The following RAB22A variants were observed in gnomAD, a reference collection of about 807,000 sequenced individuals.
RAB22A encodes the protein RAB22A, member RAS oncogene family, also known as ras-related protein Rab-22A.
Under a neutral mutation model 30.2 loss-of-function variants are expected in RAB22A, and 13 were observed. The observed-to-expected ratio is 0.43, with a 90% confidence interval of 0.28 to 0.68. The LOEUF (loss-of-function observed/expected upper bound fraction) is 0.68, where lower values mean the gene tolerates loss of function less well. RAB22A is among the 30% of genes least tolerant of loss of function. The pLI is 0.18. For missense variants in RAB22A, 177 were observed against 246.8 expected (o/e 0.72, Z 1.89); for synonymous variants, 89 against 87.2 (o/e 1.02, Z -0.11).
At chr20:58,311,017 C>G in intron 1 of RAB22A, 26 bp from the exon 2 acceptor site, 1 of 1,555,988 alleles carries the variant, frequency 6.4e-7, no homozygotes, top group Non-Finnish European at 8.9e-7. Flanking sequence ...AACTTTTTCT[C>G]AGTCCCTCAT....
At position 58,354,327 on chromosome 20, in the gene RAB22A, C is replaced by G. The variant is rs1600742290; in HGVS notation, c.487+62C>G. 4 of 1,158,054 alleles carry G rather than the reference C, an allele frequency of 3.5e-6. No individual in the cohort carries two copies. In the East Asian group the frequency reaches 1.0e-4, roughly 29 times the overall value. 71.7% of individuals were successfully genotyped at this position (1,158,054 alleles called of 1,614,324 possible). A position where few individuals can be genotyped will look rare whatever the true frequency, so the allele number is the denominator to read the frequency against. On this transcript the variant is annotated intron_variant, in intron 6 of 6. Transcript: ENST00000244040. Reference sequence around the variant, plus strand: ...AAGCCGCTTAACACAGAATGATCTTCCTGGTTAGAATTCCTGTCTTACTTA... The same window carrying G: ...AAGCCGCTTAACACAGAATGATCTTGCTGGTTAGAATTCCTGTCTTACTTA...
chr20:58,318,297 C>G (rs1243163394), intron 2 of RAB22A, among the ~76,000 whole-genome samples: 1 of 152,204 alleles, frequency 6.6e-6, no homozygotes, highest in African/African-American at 2.4e-5. Context: ...CTACTCTGAG[C>G]CATTCCCTGG....
rs1987283573 is a variant in RAB22A at position 58,364,642 on chromosome 20, T to G, written c.*4939T>G. 1.3e-5 allele frequency: 2 copies of G among 152,140 alleles called. No homozygotes were observed. 9.4% of individuals were successfully genotyped at this position (152,140 alleles called of 1,614,324 possible). On this transcript the variant is annotated 3_prime_UTR_variant, in exon 7 of 7. Coordinates refer to ENST00000244040, the MANE Select transcript of RAB22A (RefSeq NM_020673.3). Reference sequence around the variant, plus strand: ...AGTACTCCACAAAATGCATCATAATTGAAACAACAAAATTATTTTCATGAG... The same window carrying G: ...AGTACTCCACAAAATGCATCATAATGGAAACAACAAAATTATTTTCATGAG...
chr20:58,358,023 G>A (rs541424371), intron 6 of RAB22A, among the ~76,000 whole-genome samples: 33 of 152,346 alleles, frequency 2.2e-4, no homozygotes, highest in Middle Eastern at 3.4e-3. Flanking sequence ...AGGGTCTAAT[G>A]TGAGGGAGAT....
intron 2 of RAB22A, among the ~76,000 whole-genome samples, chr20:58,333,657 T>C (rs1986697962): frequency 6.6e-6 from 1 of 152,132 alleles, no homozygotes; most frequent in Admixed American, 6.5e-5. Context: ...TAGTATAATA[T>C]TTGGAAGTAG....
chr20:58,321,137 C>T (rs1986450269), intron 2 of RAB22A, among the ~76,000 whole-genome samples: 3 of 151,734 alleles, frequency 2.0e-5, no homozygotes, highest in Non-Finnish European at 2.9e-5. Flanking sequence ...TTGCAGTGAG[C>T]CCGAGACTGC....
intron 2 of RAB22A, among the ~76,000 whole-genome samples, chr20:58,323,372 A>G (rs1362477390): frequency 6.6e-6 from 1 of 152,120 alleles, no homozygotes; most frequent in African/African-American, 2.4e-5. Context: ...TTATCTCTAT[A>G]CATTATTTTT....
intron 1 of RAB22A, among the ~76,000 whole-genome samples, 172 bp downstream of exon 1, chr20:58,310,184 C>T (rs1414963351): frequency 6.6e-6 from 1 of 151,938 alleles, no homozygotes; most frequent in Non-Finnish European, 1.5e-5. Flanking sequence ...CTTGCACTCT[C>T]GAAAAGGTCC....
rs939799062 is a variant in RAB22A, at chr20:58,365,455, C to T, written c.*5752C>T. ...CCATTAATTTTTAATTAAGTTTATA[C>T]TTGAATAATCAGTTTTACTCCTGAA... On this transcript the variant is annotated 3_prime_UTR_variant, in exon 7 of 7. Transcript: ENST00000244040. The T allele has an allele frequency of 3.3e-5, 5 of 152,156 alleles. No individual in the cohort carries two copies. Among genetic ancestry groups the T allele is most frequent in the Non-Finnish European group, 7.3e-5 (5 of 68,040 alleles). The allele number at this position is 152,156 out of a possible 1,614,324, so 9.4% of individuals were successfully genotyped here.
In RAB22A at chr20:58,361,562, T is replaced by C. The variant is rs1002331151; in HGVS notation, c.*1859T>C. ...GCAAGCTCCTAGAGAAGCCATGTGA[T>C]TCCCAGAGCCAGGCGCTTTACACCT... On this transcript the variant is annotated 3_prime_UTR_variant, in exon 7 of 7. Coordinates refer to ENST00000244040, the MANE Select transcript of RAB22A (RefSeq NM_020673.3). 1 of 152,192 alleles carries C rather than the reference T, an allele frequency of 6.6e-6. No individual in the cohort carries two copies. The highest frequency in any genetic ancestry group is 2.4e-5 in the African/African-American group (1 of 41,456). 9.4% of individuals were successfully genotyped at this position (152,192 alleles called of 1,614,324 possible).
At chr20:58,353,575 T>C (rs1987087391) in intron 5 of RAB22A, 37 bp downstream of exon 5, 2 of 1,450,202 alleles carry the variant, frequency 1.4e-6, no homozygotes, top group African/African-American at 1.4e-5. Context: ...ATACCTATTA[T>C]GTGTTCCTTT....
chr20:58,332,145 C>G (rs1986672856), intron 2 of RAB22A, among the ~76,000 whole-genome samples: 2 of 152,214 alleles, frequency 1.3e-5, no homozygotes, highest in South Asian at 4.1e-4. Flanking sequence ...CCATCATTCT[C>G]ACCCAAACAG....
At chr20:58,337,047 C>T (rs963953597) in intron 2 of RAB22A, among the ~76,000 whole-genome samples, 9 of 152,198 alleles carry the variant, frequency 5.9e-5, no homozygotes, top group African/African-American at 2.2e-4. Flanking sequence ...TACTTCACCT[C>T]TTCTCTGAAG....
chr20:58,310,363 T>G lies in RAB22A; in HGVS notation c.36+351T>G, dbSNP rs1156246524. 1.3e-5 allele frequency among the ~76,000 whole-genome samples: 2 copies of G among 152,174 alleles called. 1 individual carries two copies. The highest frequency in any genetic ancestry group is 1.3e-4 in the Admixed American group (2 of 15,284). ...AGGTATTAGTTGGGAGTTGGCCAAG[T>G]CTTCCAAAGTAAAACCAATAACAGG... On this transcript the variant is annotated intron_variant, in intron 1 of 6. Coordinates refer to ENST00000244040, the MANE Select transcript of RAB22A (RefSeq NM_020673.3).
intron 5 of RAB22A, 36 bp downstream of exon 5, chr20:58,353,574 A>T (rs923340061): frequency 6.9e-7 from 1 of 1,453,978 alleles, no homozygotes; most frequent in South Asian, 1.2e-5. Context: ...AATACCTATT[A>T]TGTGTTCCTT....
At chr20:58,322,480 AT>A (rs1986480816) in intron 2 of RAB22A, among the ~76,000 whole-genome samples, 3 of 152,222 alleles carry the variant, frequency 2.0e-5, no homozygotes, top group Admixed American at 6.5e-5. Context: ...GATTTACATC[AT>A]TTTTATTTAT....
intron 2 of RAB22A, among the ~76,000 whole-genome samples, chr20:58,318,984 C>A (rs915136186): frequency 6.6e-6 from 1 of 151,948 alleles, no homozygotes; most frequent in African/African-American, 2.4e-5. Flanking sequence ...TGGTGTATGT[C>A]GTATGGAAAG....
Position 58,362,019 on chromosome 20 carries a change from T to C in RAB22A, c.*2316T>C, listed in dbSNP as rs1987235758. On this transcript the variant is annotated 3_prime_UTR_variant, in exon 7 of 7. Coordinates refer to ENST00000244040, the MANE Select transcript of RAB22A (RefSeq NM_020673.3). ...CACCCTCCCTCCCATATGTAGGGTG[T>C]GATTCTGTTTTATTATAGCCACATG... The C allele has an allele frequency of 6.6e-6, 1 of 152,144 alleles. No individual in the cohort carries two copies. The highest frequency in any genetic ancestry group is 2.4e-5 in the African/African-American group (1 of 41,412). 9.4% of individuals were successfully genotyped at this position (152,144 alleles called of 1,614,324 possible).
At chr20:58,350,737 A>G (rs547625147) in intron 3 of RAB22A, among the ~76,000 whole-genome samples, 107 of 152,336 alleles carry the variant, frequency 7.0e-4, no homozygotes, top group African/African-American at 2.4e-3. Flanking sequence ...AACAGAAATC[A>G]ACAGCAGCTG....
Sources: allele counts gnomAD v4.1 joint callset (sites outside exome capture counted in the v4.1 genomes callset), GRCh38; gene constraint gnomAD v4.1.1; transcripts MANE v1.5; gene names NCBI Gene and HGNC (gene_info 2026-07-23, HGNC 2026-07-21).